PLCH1: variants seen among roughly 807,000 people sequenced by gnomAD.
The protein encoded by PLCH1 is 1-phosphatidylinositol 4,5-bisphosphate phosphodiesterase eta-1.
PLCH1 carries 60 observed loss-of-function variants against 126.7 expected under a neutral mutation model. The observed-to-expected ratio is 0.47, with a 90% CI of 0.38 to 0.59. PLCH1 has a LOEUF of 0.59. Among genes scored for constraint, PLCH1 ranks in the 20% least tolerant of loss-of-function variants. The pLI, the probability that PLCH1 is intolerant of heterozygous loss-of-function variation, is 0.00. For synonymous variants in PLCH1, 719 were observed against 734.9 expected, an observed-to-expected ratio of 0.98 and a Z score of 0.35; for missense variants, 1,723 against 2,040.0, an observed-to-expected ratio of 0.84 and a Z score of 2.99.
At chr3:155,575,194 T>A (rs7640692) in intron 6 of PLCH1, among the ~76,000 whole-genome samples, 22,704 of 151,972 alleles carry the variant, frequency 0.15, 3,072 homozygotes, top group African/African-American at 0.37. Context: ...CTCAAAGGAA[T>A]GCTTTTATAT....
At chr3:155,587,921 T>C (rs993087184) in intron 4 of PLCH1, among the ~76,000 whole-genome samples, 1 of 151,996 alleles carries the variant, frequency 6.6e-6, no homozygotes. Context: ...TGAAGGGTAA[T>C]GGAGAGGAAA....
intron 10 of PLCH1, among the ~76,000 whole-genome samples, chr3:155,533,786 G>A (rs1324960242): frequency 6.6e-6 from 1 of 152,174 alleles, no homozygotes; most frequent in Admixed American, 6.5e-5. Context: ...TGCAGCCTTG[G>A]GACTTGGTAC....
chr3:155,578,678 A>C (rs1340767263), intron 6 of PLCH1, among the ~76,000 whole-genome samples: 1 of 152,212 alleles, frequency 6.6e-6, no homozygotes. Flanking sequence ...ACTATGACAG[A>C]CTTGGAGTGG....
At chr3:155,548,034 T>TAAA (rs1222280754) in intron 10 of PLCH1, among the ~76,000 whole-genome samples, 1 of 152,010 alleles carries the variant, frequency 6.6e-6, no homozygotes, top group Admixed American at 6.6e-5. Context: ...AAACTTAAAG[T>TAAA]ATAATAATAA....
rs148000916 is a variant in PLCH1, at chr3:155,725,387, T to C, written c.-41+19453A>G. Among the ~76,000 whole-genome samples the C allele has an allele frequency of 6.0e-4, 91 of 152,274 alleles. 1 individual carries two copies. Among genetic ancestry groups the C allele is most frequent in the African/African-American group, 2.1e-3 (87 of 41,564 alleles). On this transcript the variant is annotated intron_variant, in intron 1 of 22. Coordinates refer to ENST00000460012, the MANE Select transcript of PLCH1 (RefSeq NM_014996.4). ...AAAATTGCCAGCTTCTTTTGGTTTTTAGTCACCTATTTCCCTTTCTATTAT... is the reference window on the plus strand; with the variant it reads ...AAAATTGCCAGCTTCTTTTGGTTTTCAGTCACCTATTTCCCTTTCTATTAT...
intron 21 of PLCH1, among the ~76,000 whole-genome samples, chr3:155,460,915 A>G (rs1345684116): frequency 6.6e-6 from 1 of 152,206 alleles, no homozygotes. Flanking sequence ...TGTGCTAGAT[A>G]TAATTTTTCT....
chr3:155,497,335 C>T lies in PLCH1; in HGVS notation c.1879G>A (p.Asp627Asn), dbSNP rs997520185. The change falls in exon 15 of 23, where the codon GAC becomes AAC. Residue 627 changes from aspartate to asparagine, a missense_variant. Around this residue, in one of 2 missense-constraint regions of PLCH1, gnomAD observed 776 missense variants for 1,062.9 expected, o/e 0.73. Coordinates refer to ENST00000460012, the MANE Select transcript of PLCH1 (RefSeq NM_014996.4). ...VVYTNSVAAQ[D>N]IVDDGTTGNV... is the part of the protein sequence containing the mutation. ...CCATCCTTACCGTCATCCACAATGT[C>T]CTGAGCGGCCACGGAGTTTGTGTAC... 1 of 1,610,728 alleles carries T rather than the reference C, an allele frequency of 6.2e-7. No homozygotes were observed. Among genetic ancestry groups the T allele is most frequent in the Non-Finnish European group, 8.5e-7 (1 of 1,176,918 alleles).
chr3:155,512,560 T>C (rs1719726508), intron 12 of PLCH1, among the ~76,000 whole-genome samples: 1 of 152,156 alleles, frequency 6.6e-6, no homozygotes, highest in Non-Finnish European at 1.5e-5. Flanking sequence ...ACAAGTTATC[T>C]ATGTGAAATG....
At chr3:155,505,962 CT>C (rs1461801180) in intron 12 of PLCH1, among the ~76,000 whole-genome samples, 1 of 150,934 alleles carries the variant, frequency 6.6e-6, no homozygotes, top group Non-Finnish European at 1.5e-5. Flanking sequence ...CTAGTAGGGA[CT>C]ATGCCATTTA....
intron 21 of PLCH1, chr3:155,486,831 A>C (rs1715286563): frequency 6.6e-6 from 1 of 152,290 alleles, no homozygotes; most frequent in South Asian, 2.1e-4. Context: ...GCCCTGGCTC[A>C]AGTTTTAAAC....
At chr3:155,506,331 C>A (rs1244403210) in intron 12 of PLCH1, among the ~76,000 whole-genome samples, 4 of 150,052 alleles carry the variant, frequency 2.7e-5, no homozygotes, top group Admixed American at 1.3e-4. Context: ...CATTTTCTAT[C>A]CCATTCTCAC....
chr3:155,497,849 G>A (rs1717281431), intron 14 of PLCH1, among the ~76,000 whole-genome samples: 1 of 152,004 alleles, frequency 6.6e-6, no homozygotes, highest in Non-Finnish European at 1.5e-5. Flanking sequence ...CGAGTAGCTG[G>A]GACTACAGGT....
At chr3:155,639,658 G>T (rs1453053357) in intron 2 of PLCH1, among the ~76,000 whole-genome samples, 1 of 152,154 alleles carries the variant, frequency 6.6e-6, no homozygotes, top group Non-Finnish European at 1.5e-5. Flanking sequence ...TATGCCTGTG[G>T]CCATCTCCCA....
intron 13 of PLCH1, among the ~76,000 whole-genome samples, chr3:155,503,516 T>C (rs888175834): frequency 1.3e-5 from 2 of 151,462 alleles, no homozygotes; most frequent in East Asian, 3.9e-4. Context: ...CCAATCTCAA[T>C]ATAAGTATTG....
At position 155,735,459 on chromosome 3, in the gene PLCH1, C is replaced by T. The variant is rs542354286; in HGVS notation, c.-41+9381G>A. Among the ~76,000 whole-genome samples, 8 of 152,114 alleles carry T rather than the reference C, an allele frequency of 5.3e-5. No homozygotes were observed. The South Asian group carries it at 1.5e-3, about 28-fold the overall frequency. ...GACCAGCCTGGCCAACATAGTGAAA[C>T]CCCATCTCTACTAAAAATACAAAAA... On this transcript the variant is annotated intron_variant, in intron 1 of 22. Transcript: ENST00000460012.
At chr3:155,601,412 T>C (rs1405333784) in intron 2 of PLCH1, among the ~76,000 whole-genome samples, 1 of 152,134 alleles carries the variant, frequency 6.6e-6, no homozygotes, top group Non-Finnish European at 1.5e-5. Context: ...TTGTAAAAAA[T>C]ACATACTTTG....
At chr3:155,715,292 T>C (rs1216342237) in intron 1 of PLCH1, among the ~76,000 whole-genome samples, 1 of 151,500 alleles carries the variant, frequency 6.6e-6, no homozygotes, top group Non-Finnish European at 1.5e-5. Context: ...ATTACTATCA[T>C]TTCCTTCCAT....
chr3:155,621,295 G>C (rs182494999), intron 2 of PLCH1, among the ~76,000 whole-genome samples: 1 of 152,282 alleles, frequency 6.6e-6, no homozygotes, highest in Admixed American at 6.5e-5. Flanking sequence ...ATAAATACAT[G>C]AACAGGGGGA....
intron 2 of PLCH1, among the ~76,000 whole-genome samples, chr3:155,690,069 C>T (rs1745260125): frequency 6.7e-6 from 1 of 149,218 alleles, no homozygotes; most frequent in African/African-American, 2.5e-5. Flanking sequence ...AAGAAAAGAA[C>T]ATACAATGCA....
Sources: gnomAD v4.1 joint callset for allele counts (sites outside exome capture counted in the v4.1 genomes callset) on GRCh38, gnomAD v4.1.1 for gene constraint, gnomAD v4.1.1 regional missense constraint, MANE v1.5 for transcripts, NCBI Gene and HGNC (gene_info 2026-07-23, HGNC 2026-07-21) for gene names.